AGAP1: variants seen among roughly 807,000 people sequenced by gnomAD.
AGAP1 encodes ArfGAP with GTPase domain, ankyrin repeat and PH domain 1, also known as arf-GAP with GTPase, ANK repeat and PH domain-containing protein 1.
In AGAP1, 29 loss-of-function variants were observed where a neutral mutation model predicts 105.3. The ratio of observed to expected loss-of-function variants is 0.28; its 90% CI spans 0.21 to 0.38. AGAP1 has a LOEUF of 0.38. Among genes scored for constraint, AGAP1 ranks in the 10% least tolerant of loss-of-function variants. The pLI is 1.00. For synonymous variants in AGAP1, 509 were observed against 485.9 expected (o/e 1.05, Z -0.63); for missense variants, 998 against 1,165.1 (o/e 0.86, Z 2.09).
chr2:236,101,061 T>C lies in AGAP1; in HGVS notation c.2115-19131T>C, dbSNP rs2059335199. On this transcript the variant is annotated intron_variant, in intron 16 of 17. Coordinates refer to ENST00000304032, the MANE Select transcript of AGAP1 (RefSeq NM_001037131.3). This position sits in a 1 kb window ranked among gnomAD's most constrained non-coding sequence, Gnocchi z 4.9. ...CCGCAGACCCAGGCCCCTCATTCCATCAGTTTCTTTCAGCATGTTTCCATG... is the reference window on the plus strand; with the variant it reads ...CCGCAGACCCAGGCCCCTCATTCCACCAGTTTCTTTCAGCATGTTTCCATG... Among the ~76,000 whole-genome samples, 1 of 152,098 alleles carries C rather than the reference T, an allele frequency of 6.6e-6. No homozygotes were observed. The highest frequency in any genetic ancestry group is 6.5e-5 in the Admixed American group (1 of 15,272).
In AGAP1 at chr2:235,873,497, CT is replaced by C. The variant is rs925636303; in HGVS notation, c.1051-9836del. ...TAGTTTTTCCTATTGTTTTGGCAAA[CT>C]TTTTTTTTTTTAAAGGTTTACATGT... On this transcript the variant is annotated intron_variant, in intron 9 of 17. Coordinates refer to ENST00000304032, the MANE Select transcript of AGAP1 (RefSeq NM_001037131.3). Among the ~76,000 whole-genome samples the C allele has an allele frequency of 9.0e-3, 1,320 of 146,608 alleles. 56 individuals are homozygous for C. Among genetic ancestry groups the C allele is most frequent in the Admixed American group, 0.075 (1,102 of 14,754 alleles).
rs1231387809 is a variant in AGAP1, at chr2:235,769,709, AC to A, written c.673+19222del. 6.6e-6 allele frequency among the ~76,000 whole-genome samples: 1 copy of A among 152,116 alleles called. No homozygotes were observed. Among genetic ancestry groups the A allele is most frequent in the African/African-American group, 2.4e-5 (1 of 41,418 alleles). On this transcript the variant is annotated intron_variant, in intron 6 of 17. Coordinates refer to ENST00000304032, the MANE Select transcript of AGAP1 (RefSeq NM_001037131.3). The surrounding 1 kb of genome is among the most constrained non-coding windows in gnomAD (Gnocchi z 4.4). Reference sequence around the variant, plus strand: ...ATCTCGGGGAGGCAGTGAAAAAAAAACGAAAGCAGTGACTAAAGGGCATCTC... The same window carrying A: ...ATCTCGGGGAGGCAGTGAAAAAAAAAGAAAGCAGTGACTAAAGGGCATCTC...
rs1376439505 is a variant in AGAP1 at position 235,737,912 on chromosome 2, T to C, written c.311-3051T>C. Among the ~76,000 whole-genome samples, 1 of 151,708 alleles carries C rather than the reference T, an allele frequency of 6.6e-6. No individual in the cohort carries two copies. The highest frequency in any genetic ancestry group is 1.5e-5 in the Non-Finnish European group (1 of 67,904). ...ACGAAGCCTCATCAAAGTTGAACCTTAGGGTTCATCAAGCAGGGAGGGCTT... is the reference window on the plus strand; with the variant it reads ...ACGAAGCCTCATCAAAGTTGAACCTCAGGGTTCATCAAGCAGGGAGGGCTT... On this transcript the variant is annotated intron_variant, in intron 3 of 17. Transcript: ENST00000304032. This position sits in a 1 kb window ranked among gnomAD's most constrained non-coding sequence, Gnocchi z 4.5.
In AGAP1 at chr2:235,664,181, TAA is replaced by T. The variant is rs1948052773; in HGVS notation, c.164-44997_164-44996del. The stretch of plus-strand genomic sequence containing the variant: ...TGTGTTGGCTCTGTAAAACGATGCT[TAA>T]TAGATTGGATTTTAATATATAGTTT... On this transcript the variant is annotated intron_variant, in intron 1 of 17. Coordinates refer to ENST00000304032, the MANE Select transcript of AGAP1 (RefSeq NM_001037131.3). The surrounding 1 kb of genome is among the most constrained non-coding windows in gnomAD (Gnocchi z 5.7). Among the ~76,000 whole-genome samples the T allele has an allele frequency of 6.6e-6, 1 of 152,070 alleles. No homozygotes were observed. The highest frequency in any genetic ancestry group is 2.4e-5 in the African/African-American group (1 of 41,418).
At chr2:235,796,494 A>G (rs1322102116) in intron 6 of AGAP1, among the ~76,000 whole-genome samples, 1 of 152,192 alleles carries the variant, frequency 6.6e-6, no homozygotes, top group Non-Finnish European at 1.5e-5. Flanking sequence ...TCATCCTTTC[A>G]GGATGATAAG....
intron 1 of AGAP1, among the ~76,000 whole-genome samples, chr2:235,698,961 C>G (rs1284579078): frequency 6.6e-6 from 1 of 152,118 alleles, no homozygotes; most frequent in Non-Finnish European, 1.5e-5. Flanking sequence ...AGGCAGGTGT[C>G]TGGAGATTAG....
chr2:235,686,829 A>AT lies in AGAP1; in HGVS notation c.164-22335dup, dbSNP rs869224839. Among the ~76,000 whole-genome samples the AT allele has an allele frequency of 7.8e-3, 1,095 of 139,754 alleles. 8 individuals carry two copies. The highest frequency in any genetic ancestry group is 0.02 in the African/African-American group (741 of 37,800). The allele number at this position is 139,754 out of a possible 152,430, so 91.7% of individuals were successfully genotyped here. A position where few individuals can be genotyped will look rare whatever the true frequency, so the allele number is the denominator to read the frequency against. ...CCATCATGCCCAGCTAATTAAAATA[A>AT]TTTTTTTTTTTTTTTGTAGAGATGA... On this transcript the variant is annotated intron_variant, in intron 1 of 17. Coordinates refer to ENST00000304032, the MANE Select transcript of AGAP1 (RefSeq NM_001037131.3).
rs566801152 is a variant in AGAP1 at position 236,107,605 on chromosome 2, G to A, written c.2115-12587G>A. On this transcript the variant is annotated intron_variant, in intron 16 of 17. Transcript: ENST00000304032. ...CCACGAGTGCCCCAAGTCTCAACCC[G>A]AACCTCAGGCGAAGGTTTGGGGACA... Among the ~76,000 whole-genome samples the A allele has an allele frequency of 5.0e-4, 76 of 152,282 alleles. 1 individual carries two copies. The South Asian group carries it at 0.015, about 30-fold the overall frequency.
At chr2:235,815,395 T>A (rs977036601) in intron 9 of AGAP1, among the ~76,000 whole-genome samples, 1 of 152,238 alleles carries the variant, frequency 6.6e-6, no homozygotes, top group Non-Finnish European at 1.5e-5. Context: ...CTTTTTCTTA[T>A]AATGATGCCA....
chr2:235,599,501 C>G lies in AGAP1; in HGVS notation c.163+104652C>G, dbSNP rs1241593097. On this transcript the variant is annotated intron_variant, in intron 1 of 17. Coordinates refer to ENST00000304032, the MANE Select transcript of AGAP1 (RefSeq NM_001037131.3). The surrounding 1 kb of genome is among the most constrained non-coding windows in gnomAD (Gnocchi z 5.3). ...GGGAAATGACTGCAAAGCTATCTTACTCTTTATTCCATAGCCACAAAAATA... is the reference window on the plus strand; with the variant it reads ...GGGAAATGACTGCAAAGCTATCTTAGTCTTTATTCCATAGCCACAAAAATA... Among the ~76,000 whole-genome samples, 1 of 152,184 alleles carries G rather than the reference C, an allele frequency of 6.6e-6. No homozygotes were observed. Among genetic ancestry groups the G allele is most frequent in the Non-Finnish European group, 1.5e-5 (1 of 68,046 alleles).
At position 235,965,680 on chromosome 2, in the gene AGAP1, G is replaced by A. The variant is rs1196415985; in HGVS notation, c.1484-2782G>A. ...AAGAGTCCTGAACGCATTGCTGAAG[G>A]TAGAGCCTGGAATAGCCCCTGTTGG... On this transcript the variant is annotated intron_variant, in intron 12 of 17. Transcript: ENST00000304032. This position sits in a 1 kb window ranked among gnomAD's most constrained non-coding sequence, Gnocchi z 5.8. Among the ~76,000 whole-genome samples the A allele has an allele frequency of 6.6e-6, 1 of 152,166 alleles. No homozygotes were observed. Among genetic ancestry groups the A allele is most frequent in the Non-Finnish European group, 1.5e-5 (1 of 68,026 alleles).
rs2059200781 is a variant in AGAP1, at chr2:236,096,696, G to A, written c.2115-23496G>A. ...CCGGTTCAAGTGATTCTTCTGCCTC[G>A]GCCTCCTGAGTAGCTGGGATTACAG... On this transcript the variant is annotated intron_variant, in intron 16 of 17. Transcript: ENST00000304032. The surrounding 1 kb of genome is among the most constrained non-coding windows in gnomAD (Gnocchi z 4.4). 2.0e-5 allele frequency among the ~76,000 whole-genome samples: 3 copies of A among 151,220 alleles called. No individual in the cohort carries two copies. Among genetic ancestry groups the A allele is most frequent in the Admixed American group, 6.6e-5 (1 of 15,198 alleles).
In AGAP1 at chr2:235,799,773, A is replaced by C. The variant is rs1361501188; in HGVS notation, c.957+251A>C. Among the ~76,000 whole-genome samples, 1 of 152,182 alleles carries C rather than the reference A, an allele frequency of 6.6e-6. No individual in the cohort carries two copies. Among genetic ancestry groups the C allele is most frequent in the Non-Finnish European group, 1.5e-5 (1 of 68,038 alleles). On this transcript the variant is annotated intron_variant, in intron 8 of 17. Transcript: ENST00000304032. The surrounding 1 kb of genome is among the most constrained non-coding windows in gnomAD (Gnocchi z 5.0). ...AATGAAGAGCTGGGGGTGTGTATAA[A>C]GGCACTTGTTATCCTGTGGCTCCAG...
At position 235,777,286 on chromosome 2, in the gene AGAP1, G is replaced by T. The variant is rs1418532657; in HGVS notation, c.674-20473G>T. Among the ~76,000 whole-genome samples the T allele has an allele frequency of 1.3e-5, 2 of 152,192 alleles. No individual in the cohort carries two copies. The highest frequency in any genetic ancestry group is 2.9e-5 in the Non-Finnish European group (2 of 68,050). ...AATCACTTGAGCCTGGGAGGCGGAG[G>T]TTGCAGTGAGCCGAGATTGCGCCAC... On this transcript the variant is annotated intron_variant, in intron 6 of 17. Coordinates refer to ENST00000304032, the MANE Select transcript of AGAP1 (RefSeq NM_001037131.3). The surrounding 1 kb of genome is among the most constrained non-coding windows in gnomAD (Gnocchi z 5.1).
In AGAP1 at chr2:235,701,035, A is replaced by G. The variant is rs978911689; in HGVS notation, c.164-8144A>G. On this transcript the variant is annotated intron_variant, in intron 1 of 17. Coordinates refer to ENST00000304032, the MANE Select transcript of AGAP1 (RefSeq NM_001037131.3). This position sits in a 1 kb window ranked among gnomAD's most constrained non-coding sequence, Gnocchi z 4.1. ...ATATGTATATATTATATATGCTATA[A>G]TATAGTTATATGTATATATTATATA... 7.9e-6 allele frequency among the ~76,000 whole-genome samples: 1 copy of G among 126,102 alleles called. No homozygotes were observed. The highest frequency in any genetic ancestry group is 1.5e-5 in the Non-Finnish European group (1 of 65,502). 82.7% of individuals were successfully genotyped at this position (126,102 alleles called of 152,430 possible).
In AGAP1 at chr2:236,130,756, C is replaced by G. The variant is rs2060071937; in HGVS notation, c.*6634C>G. 1 of 152,558 alleles carries G rather than the reference C, an allele frequency of 6.6e-6. No homozygotes were observed. The allele number at this position is 152,558 out of a possible 1,614,324, so 9.5% of individuals were successfully genotyped here. A position where few individuals can be genotyped will look rare whatever the true frequency, so the allele number is the denominator to read the frequency against. ...CAGCCCTGGGGTGTCCCCTGACATTCCTGGAGGTCCCTGGGCAAATGCATT... is the reference window on the plus strand; with the variant it reads ...CAGCCCTGGGGTGTCCCCTGACATTGCTGGAGGTCCCTGGGCAAATGCATT... On this transcript the variant is annotated 3_prime_UTR_variant, in exon 18 of 18. Coordinates refer to ENST00000304032, the MANE Select transcript of AGAP1 (RefSeq NM_001037131.3). This position sits in a 1 kb window ranked among gnomAD's most constrained non-coding sequence, Gnocchi z 5.8.
intron 6 of AGAP1, among the ~76,000 whole-genome samples, chr2:235,783,056 G>C: frequency 6.7e-6 from 1 of 148,150 alleles, no homozygotes; most frequent in African/African-American, 2.5e-5. Context: ...GTGTGTCTAG[G>C]TTGCAGAGTG....
intron 1 of AGAP1, among the ~76,000 whole-genome samples, chr2:235,607,505 C>T (rs548565753): frequency 2.0e-5 from 3 of 152,194 alleles, no homozygotes; most frequent in African/African-American, 4.8e-5. Context: ...GCCAGGAGCC[C>T]GTTGGCCTGG....
At chr2:236,021,570 G>A (rs1451131105) in intron 13 of AGAP1, among the ~76,000 whole-genome samples, 5 of 152,170 alleles carry the variant, frequency 3.3e-5, no homozygotes, top group East Asian at 3.8e-4. Flanking sequence ...ATAAATCACC[G>A]CACGTGCCTA....
Sources: allele counts gnomAD v4.1 joint callset (sites outside exome capture counted in the v4.1 genomes callset), GRCh38; gene constraint gnomAD v4.1.1; non-coding constraint Gnocchi (gnomAD v3.1); transcripts MANE v1.5; gene names NCBI Gene and HGNC (gene_info 2026-07-23, HGNC 2026-07-21).